The following EYA4 variants were observed in gnomAD, a reference collection of about 807,000 sequenced individuals.
The protein encoded by EYA4 is protein phosphatase EYA4.
A neutral mutation model predicts 87.9 loss-of-function variants in EYA4; 31 were observed. The observed-to-expected ratio is 0.35, with a 90% CI of 0.27 to 0.48. The LOEUF (loss-of-function observed/expected upper bound fraction) is 0.48. Ranked by LOEUF, EYA4 falls within the 20% of genes least tolerant of loss-of-function variation. The probability of loss-of-function intolerance (pLI) is 0.99; values close to 1 mark genes in which losing one functional copy is unlikely to be tolerated. For missense variants in EYA4, 678 were observed against 761.4 expected (o/e 0.89, Z 1.29); for synonymous variants, 263 against 270.6 (o/e 0.97, Z 0.28).
At position 133,246,212 on chromosome 6, in the gene EYA4, C is replaced by T. The variant is rs557309415; in HGVS notation, c.-66+4463C>T. ...CAATAGTATAGTTTGATATTTGAAA[C>T]CTTTCAGAGTTGGTCTGGCCCTTTT... On this transcript the variant is annotated intron_variant, in intron 1 of 19. Coordinates refer to ENST00000355286, the MANE Select transcript of EYA4 (RefSeq NM_004100.5). Among the ~76,000 whole-genome samples the T allele has an allele frequency of 6.6e-5, 10 of 152,182 alleles. No homozygotes were observed. The South Asian group carries it at 1.9e-3, about 28-fold the overall frequency.
At chr6:133,269,578 G>A (rs1046250696) in intron 1 of EYA4, among the ~76,000 whole-genome samples, 17 of 152,048 alleles carry the variant, frequency 1.1e-4, no homozygotes, top group Non-Finnish European at 1.5e-4. Context: ...TTTTTAAAAC[G>A]TCTTGTGATC....
chr6:133,288,021 C>T lies in EYA4; in HGVS notation c.33+13208C>T, dbSNP rs139253931. ...GCACACACCTGTAATCCCAGCTACT[C>T]GGGAGGCTGAAGTAGAAGAATCGCT... On this transcript the variant is annotated intron_variant, in intron 2 of 19. Transcript: ENST00000355286. Among the ~76,000 whole-genome samples the T allele has an allele frequency of 3.2e-3, 485 of 152,128 alleles. 3 individuals are homozygous for T. Among genetic ancestry groups the T allele is most frequent in the African/African-American group, 0.011 (461 of 41,514 alleles).
intron 2 of EYA4, among the ~76,000 whole-genome samples, chr6:133,350,751 A>G (rs1027622689): frequency 6.6e-6 from 1 of 152,060 alleles, no homozygotes; most frequent in Admixed American, 6.5e-5. Context: ...TCAGTGTCAA[A>G]TGTGCTATTA....
intron 3 of EYA4, among the ~76,000 whole-genome samples, chr6:133,423,627 A>G (rs1161342398): frequency 6.6e-6 from 1 of 152,220 alleles, no homozygotes; most frequent in East Asian, 1.9e-4. Flanking sequence ...AAGGTAGTAT[A>G]GTTTTATAAT....
At chr6:133,405,799 T>C (rs1000096522) in intron 3 of EYA4, among the ~76,000 whole-genome samples, 2 of 151,560 alleles carry the variant, frequency 1.3e-5, no homozygotes, top group African/African-American at 4.9e-5. Flanking sequence ...GGGAAGGGGG[T>C]GACAATTTTG....
At chr6:133,474,925 T>TC (rs1223166064) in intron 11 of EYA4, among the ~76,000 whole-genome samples, 1 of 152,102 alleles carries the variant, frequency 6.6e-6, no homozygotes, top group East Asian at 1.9e-4. Context: ...TACCTTATGT[T>TC]CAATAAGAGA....
chr6:133,315,046 A>T (rs2128339848), intron 2 of EYA4, among the ~76,000 whole-genome samples: 1 of 152,300 alleles, frequency 6.6e-6, no homozygotes, highest in Non-Finnish European at 1.5e-5. Context: ...CCTCAGAGAA[A>T]ACCACATGTC....
intron 2 of EYA4, among the ~76,000 whole-genome samples, chr6:133,358,250 G>T (rs1048111466): frequency 8.5e-5 from 13 of 152,084 alleles, no homozygotes; most frequent in Middle Eastern, 3.2e-3. Context: ...GTATTGGAGG[G>T]TCCTGGACTT....
intron 2 of EYA4, among the ~76,000 whole-genome samples, chr6:133,332,677 G>C (rs1174735543): frequency 6.6e-6 from 1 of 151,010 alleles, no homozygotes; most frequent in Non-Finnish European, 1.5e-5. Context: ...CTGAGTAGCT[G>C]GGACTACAGG....
intron 1 of EYA4, among the ~76,000 whole-genome samples, chr6:133,256,359 A>G (rs1264260178): frequency 6.6e-6 from 1 of 151,902 alleles, no homozygotes; most frequent in Non-Finnish European, 1.5e-5. Flanking sequence ...ACTTAGTACC[A>G]TCAAATATTT....
In EYA4 at chr6:133,241,606, G is replaced by A. The variant is rs1582712501; in HGVS notation, c.-209G>A. ...CGCTATTTGTTGTGGGGTGGCCGAA[G>A]GGGATGTCCTGTTTTCACCAGAGGC... On this transcript the variant is annotated 5_prime_UTR_variant, in exon 1 of 20. Coordinates refer to ENST00000355286, the MANE Select transcript of EYA4 (RefSeq NM_004100.5). 1 of 152,428 alleles carries A rather than the reference G, an allele frequency of 6.6e-6. No homozygotes were observed. The highest frequency in any genetic ancestry group is 1.9e-4 in the East Asian group (1 of 5,166). 9.4% of individuals were successfully genotyped at this position (152,428 alleles called of 1,614,324 possible). A position where few individuals can be genotyped will look rare whatever the true frequency, so the allele number is the denominator to read the frequency against.
chr6:133,286,360 G>T (rs1778063029), intron 2 of EYA4, among the ~76,000 whole-genome samples: 2 of 152,148 alleles, frequency 1.3e-5, no homozygotes, highest in Non-Finnish European at 1.5e-5. Context: ...ATATAAATTT[G>T]GGAGGCTTCA....
chr6:133,386,928 A>G lies in EYA4; in HGVS notation c.83+4487A>G, dbSNP rs1268774226. On this transcript the variant is annotated intron_variant, in intron 3 of 19. Transcript: ENST00000355286. The stretch of plus-strand genomic sequence containing the variant: ...TCTTCTCCACTTCGTAAGTTAAAGA[A>G]ATTGAGTTTGCTGAGAACTTAATGA... Among the ~76,000 whole-genome samples, 4 of 152,332 alleles carry G rather than the reference A, an allele frequency of 2.6e-5. No homozygotes were observed. The East Asian group carries it at 7.7e-4, about 29-fold the overall frequency.
At chr6:133,454,473 A>T (rs994076084) in intron 5 of EYA4, among the ~76,000 whole-genome samples, 3 of 152,116 alleles carry the variant, frequency 2.0e-5, no homozygotes, top group African/African-American at 7.2e-5. Flanking sequence ...CTGAACACAC[A>T]CTACTTGGTC....
intron 1 of EYA4, among the ~76,000 whole-genome samples, chr6:133,271,216 C>T (rs746977949): frequency 5.3e-5 from 8 of 152,032 alleles, no homozygotes; most frequent in Non-Finnish European, 1.0e-4. Context: ...AGAACTTTGC[C>T]CCAGCCCTGC....
chr6:133,422,445 G>A lies in EYA4; in HGVS notation c.84-24185G>A, dbSNP rs115466061. 5.3e-3 allele frequency among the ~76,000 whole-genome samples: 813 copies of A among 152,136 alleles called. 5 individuals are homozygous for A. Among genetic ancestry groups the A allele is most frequent in the African/African-American group, 0.018 (732 of 41,486 alleles). On this transcript the variant is annotated intron_variant, in intron 3 of 19. Coordinates refer to ENST00000355286, the MANE Select transcript of EYA4 (RefSeq NM_004100.5). Reference sequence around the variant, plus strand: ...ATATTTATTCCTATTAATACATGTAGCTCTAGCTCATTTATTATAACCGCT... The same window carrying A: ...ATATTTATTCCTATTAATACATGTAACTCTAGCTCATTTATTATAACCGCT...
intron 14 of EYA4, among the ~76,000 whole-genome samples, chr6:133,506,554 A>G (rs1025407571): frequency 6.6e-6 from 1 of 152,194 alleles, no homozygotes; most frequent in Non-Finnish European, 1.5e-5. Flanking sequence ...CACAGACACT[A>G]TTCATGGTGA....
chr6:133,344,716 G>A (rs1257469190), intron 2 of EYA4, among the ~76,000 whole-genome samples: 4 of 151,958 alleles, frequency 2.6e-5, no homozygotes, highest in Non-Finnish European at 5.9e-5. Context: ...ATATAACATT[G>A]CATCCAAATT....
intron 3 of EYA4, among the ~76,000 whole-genome samples, chr6:133,398,332 A>G (rs1397416217): frequency 1.3e-5 from 2 of 152,176 alleles, no homozygotes; most frequent in Non-Finnish European, 2.9e-5. Context: ...TACTTTCTAA[A>G]TATTCTTACT....
Sources: allele counts gnomAD v4.1 joint callset (sites outside exome capture counted in the v4.1 genomes callset), GRCh38; gene constraint gnomAD v4.1.1; transcripts MANE v1.5; gene names NCBI Gene and HGNC (gene_info 2026-07-23, HGNC 2026-07-21).